The following IQCE variants were observed in gnomAD, a reference collection of about 807,000 sequenced individuals.
IQCE encodes the protein IQ motif containing E.
A neutral mutation model predicts 96.0 loss-of-function variants in IQCE; 115 were observed. The ratio of observed to expected loss-of-function variants is 1.20; its 90% CI spans 1.03 to 1.40. IQCE has a LOEUF of 1.40. Ranked by LOEUF, IQCE falls within the 40% of genes most tolerant of loss-of-function variation. The pLI is 0.00. For missense variants in IQCE, 1,041 were observed against 909.1 expected (o/e 1.15, Z -1.87); for synonymous variants, 412 against 371.2 (o/e 1.11, Z -1.26).
chr7:2,599,799 CT>C (rs1193981601), intron 17 of IQCE, among the ~76,000 whole-genome samples: 47 of 139,932 alleles, frequency 3.4e-4, no homozygotes, highest in Admixed American at 3.5e-4. Flanking sequence ...TTTTTCTTTT[CT>C]TTTTTTTTTT....
At chr7:2,582,235 G>A (rs1233779427) in intron 8 of IQCE, among the ~76,000 whole-genome samples, 2 of 152,158 alleles carry the variant, frequency 1.3e-5, no homozygotes, top group Non-Finnish European at 2.9e-5. Context: ...TCCAGCTGGT[G>A]ATGGGGCTGC....
At chr7:2,582,077 G>A (rs758426322) in intron 8 of IQCE, 2 of 469,478 alleles carry the variant, frequency 4.3e-6, no homozygotes, top group South Asian at 3.1e-5. Context: ...CAGAAAAGGA[G>A]GTGAGGAGGC....
Position 2,610,592 on chromosome 7 carries a change from C to T in IQCE, c.*430C>T, listed in dbSNP as rs1785061952. 2 of 185,766 alleles carry T rather than the reference C, an allele frequency of 1.1e-5. No individual in the cohort carries two copies. Among genetic ancestry groups the T allele is most frequent in the African/African-American group, 4.7e-5 (2 of 42,166 alleles). The allele number at this position is 185,766 out of a possible 1,614,324, so 11.5% of individuals were successfully genotyped here. On this transcript the variant is annotated 3_prime_UTR_variant, in exon 22 of 22. Coordinates refer to ENST00000402050, the MANE Select transcript of IQCE (RefSeq NM_152558.5). ...CCTCAACAACCAGGATTTGCTCGATCTCAGCCCAGCAGGCCAGGCAGACAC... is the reference window on the plus strand; with the variant it reads ...CCTCAACAACCAGGATTTGCTCGATTTCAGCCCAGCAGGCCAGGCAGACAC...
rs535795502 is a variant in IQCE, at chr7:2,565,144, G to T, written c.37-1972G>T. Among the ~76,000 whole-genome samples the T allele has an allele frequency of 1.2e-3, 186 of 151,366 alleles. 1 individual carries two copies. Among genetic ancestry groups the T allele is most frequent in the African/African-American group, 4.4e-3 (179 of 41,142 alleles). ...TGTGCATGTGTGTGAGTGTGTGTGT[G>T]TGTGTGTGTGCTGTGTATGGTTGTA... On this transcript the variant is annotated intron_variant, in intron 1 of 21. Coordinates refer to ENST00000402050, the MANE Select transcript of IQCE (RefSeq NM_152558.5).
chr7:2,592,937 A>G (rs1783721437), intron 14 of IQCE, 85 bp from the exon 15 acceptor site: 3 of 1,426,366 alleles, frequency 2.1e-6, no homozygotes, highest in African/African-American at 1.4e-5. Context: ...AGGGCTGAGC[A>G]CTGTCATTTT....
intron 1 of IQCE, 84 bp downstream of exon 1, chr7:2,559,301 C>G: frequency 8.9e-6 from 7 of 790,636 alleles, no homozygotes; most frequent in Non-Finnish European, 1.2e-5. Flanking sequence ...CGGGGCCCCG[C>G]GCAGGGGCCG....
intron 18 of IQCE, 39 bp downstream of exon 18, chr7:2,601,503 G>T (rs770324393): frequency 2.7e-6 from 4 of 1,481,468 alleles, no homozygotes; most frequent in Non-Finnish European, 3.8e-6. Context: ...ATTCGGATTT[G>T]TATTTTGTTG....
intron 18 of IQCE, among the ~76,000 whole-genome samples, chr7:2,602,687 C>G (rs1239893322): frequency 6.6e-6 from 1 of 152,218 alleles, no homozygotes; most frequent in Non-Finnish European, 1.5e-5. Context: ...TTCCCCTTGG[C>G]CACATTACTC....
Position 2,583,648 on chromosome 7 carries a change from C to A in IQCE, c.713C>A (p.Thr238Asn). 6.3e-7 allele frequency: 1 copy of A among 1,595,266 alleles called. No individual in the cohort carries two copies. The highest frequency in any genetic ancestry group is 2.3e-5 in the East Asian group (1 of 43,816). The change falls in exon 10 of 22, where the codon ACC becomes AAC. Residue 238 changes from threonine to asparagine, a missense_variant. By Grantham distance (65) the Thr-to-Asn change is moderately conservative. Coordinates refer to ENST00000402050, the MANE Select transcript of IQCE (RefSeq NM_152558.5). Reference sequence around the variant, plus strand: ...ACTTGGGTTTTCAGCAAACTCCAGACCGATATGAAGACTACCAACCTGGAA... The same window carrying A: ...ACTTGGGTTTTCAGCAAACTCCAGAACGATATGAAGACTACCAACCTGGAA... The part of the protein sequence containing the change: ...EKDGTISKLQ[T>N]DMKTTNLEEM...
chr7:2,570,568 G>A (rs1328160230), intron 3 of IQCE, among the ~76,000 whole-genome samples: 1 of 151,816 alleles, frequency 6.6e-6, no homozygotes, highest in African/African-American at 2.4e-5. Context: ...TTGTGAAACC[G>A]CGGGAAAAAC....
chr7:2,603,664 C>T lies in IQCE; in HGVS notation c.1633-1217C>T, dbSNP rs186774826. The stretch of plus-strand genomic sequence containing the variant: ...CTCCCGTACCTGGCAGCCACTTTAC[C>T]GGAAGCTTCTGGGCAGCCTCCACAT... On this transcript the variant is annotated intron_variant, in intron 18 of 21. Transcript: ENST00000402050. 3.3e-5 allele frequency among the ~76,000 whole-genome samples: 5 copies of T among 152,340 alleles called. No homozygotes were observed. In the East Asian group the frequency reaches 9.6e-4, roughly 29 times the overall value.
At chr7:2,579,614 G>GACGGCA (rs2128446351) in intron 8 of IQCE, among the ~76,000 whole-genome samples, 1 of 152,254 alleles carries the variant, frequency 6.6e-6, no homozygotes, top group Non-Finnish European at 1.5e-5. Flanking sequence ...CGGCACCTAG[G>GACGGCA]ACGGCACAAA....
At position 2,567,147 on chromosome 7, in the gene IQCE, A is replaced by C. The variant is rs1781436146; in HGVS notation, c.68A>C (p.Asp23Ala). The change falls in exon 2 of 22, where the codon GAC becomes GCC. Residue 23 changes from aspartate to alanine, a missense_variant. Coordinates refer to ENST00000402050, the MANE Select transcript of IQCE (RefSeq NM_152558.5). The part of the protein sequence containing the change: ...GDDSLSAVTF[D>A]SDVETKAKRK... ...GACAGTCTGTCTGCAGTCACCTTTGACTCTGATGTGGAGACGGTGAGTGCC... is the reference window on the plus strand; with the variant it reads ...GACAGTCTGTCTGCAGTCACCTTTGCCTCTGATGTGGAGACGGTGAGTGCC... 1 of 1,613,498 alleles carries C rather than the reference A, an allele frequency of 6.2e-7. No individual in the cohort carries two copies. The highest frequency in any genetic ancestry group is 8.5e-7 in the Non-Finnish European group (1 of 1,179,890).
intron 14 of IQCE, among the ~76,000 whole-genome samples, chr7:2,592,142 C>G (rs542437340): frequency 1.3e-5 from 2 of 152,192 alleles, no homozygotes; most frequent in Non-Finnish European, 2.9e-5. Flanking sequence ...CGGTGCCTCC[C>G]GGCCAGCTAC....
chr7:2,564,552 T>A (rs2128427878), intron 1 of IQCE, among the ~76,000 whole-genome samples: 1 of 151,968 alleles, frequency 6.6e-6, no homozygotes, highest in South Asian at 2.1e-4. Flanking sequence ...GAGCCGAGAT[T>A]GTGTCACTGC....
chr7:2,563,893 CA>C (rs34269895), intron 1 of IQCE, among the ~76,000 whole-genome samples: 144 of 59,960 alleles, frequency 2.4e-3, no homozygotes, highest in African/African-American at 5.4e-3. Context: ...GACTCCATCT[CA>C]AAAAAAAAAA....
At chr7:2,590,127 G>A (rs766818935) in intron 14 of IQCE, 21 bp downstream of exon 14, 1 of 1,599,052 alleles carries the variant, frequency 6.3e-7, no homozygotes. Context: ...CCAAGGCCCC[G>A]CCAGTGTCCC....
At position 2,559,195 on chromosome 7, in the gene IQCE, C is replaced by A; in HGVS notation, c.14C>A (p.Thr5Asn). ...AGCGCCGCCACCATGTTCCTGGGCACCGGGGAGCCGGCCTTGGACACGGTA... is the reference window on the plus strand; with the variant it reads ...AGCGCCGCCACCATGTTCCTGGGCAACGGGGAGCCGGCCTTGGACACGGTA... MFLG[T>N]GEPALDTGDD... Residue 5 changes from threonine to asparagine, a missense_variant, in exon 1 of 22, where the codon ACC becomes AAC. Thr to Asn is a moderately conservative substitution (Grantham distance 65). Transcript: ENST00000402050. 1 of 1,216,866 alleles carries A rather than the reference C, an allele frequency of 8.2e-7. No homozygotes were observed. The highest frequency in any genetic ancestry group is 4.3e-5 in the Admixed American group (1 of 23,074). 75.4% of individuals were successfully genotyped at this position (1,216,866 alleles called of 1,614,324 possible). A position where few individuals can be genotyped will look rare whatever the true frequency, so the allele number is the denominator to read the frequency against.
chr7:2,566,103 C>T (rs1470998324), intron 1 of IQCE, among the ~76,000 whole-genome samples: 1 of 152,196 alleles, frequency 6.6e-6, no homozygotes, highest in Non-Finnish European at 1.5e-5. Context: ...GCACAAATGT[C>T]ATCACCTCCA....
Sources: allele counts gnomAD v4.1 joint callset (sites outside exome capture counted in the v4.1 genomes callset), GRCh38; gene constraint gnomAD v4.1.1; transcripts MANE v1.5; gene names NCBI Gene and HGNC (gene_info 2026-07-23, HGNC 2026-07-21).